Variants in OXCT1 observed in about 807,000 individuals in gnomAD.
OXCT1 encodes the protein 3-oxoacid CoA-transferase 1, also known as succinyl-CoA:3-ketoacid coenzyme A transferase 1, mitochondrial.
In OXCT1, 27 loss-of-function variants were observed where a neutral mutation model predicts 69.6. The observed-to-expected ratio is 0.39, with a 90% CI of 0.29 to 0.54. OXCT1 has a LOEUF of 0.54. Ranked by LOEUF, OXCT1 falls within the 20% of genes least tolerant of loss-of-function variation. The pLI is 0.72. For synonymous variants in OXCT1, 202 were observed against 217.8 expected (o/e 0.93, Z 0.64); for missense variants, 437 against 650.2 (o/e 0.67, Z 3.57).
chr5:41,841,468 A>G (rs1748623907), intron 6 of OXCT1, among the ~76,000 whole-genome samples: 1 of 152,128 alleles, frequency 6.6e-6, no homozygotes, highest in South Asian at 2.1e-4. Flanking sequence ...ACCTAGACAG[A>G]CTTCTGTTCC....
intron 7 of OXCT1, among the ~76,000 whole-genome samples, chr5:41,818,887 T>A (rs1747385017): frequency 6.6e-6 from 1 of 151,520 alleles, no homozygotes; most frequent in African/African-American, 2.4e-5. Context: ...TTTAGCTTTG[T>A]CCTTGAACCA....
At chr5:41,787,634 CAAA>C (rs765691863) in intron 13 of OXCT1, among the ~76,000 whole-genome samples, 357 of 34,710 alleles carry the variant, frequency 0.01, no homozygotes, top group African/African-American at 0.044. Flanking sequence ...AAGCATTAGG[CAAA>C]AAAAAAAAAA....
intron 13 of OXCT1, among the ~76,000 whole-genome samples, chr5:41,785,182 T>C (rs1340029950): frequency 6.6e-6 from 1 of 152,214 alleles, no homozygotes; most frequent in Non-Finnish European, 1.5e-5. Flanking sequence ...ATTTTGCTCC[T>C]GGAAATTCTG....
chr5:41,869,303 G>C (rs539598747), intron 1 of OXCT1, among the ~76,000 whole-genome samples: 4 of 152,308 alleles, frequency 2.6e-5, no homozygotes, highest in Admixed American at 6.5e-5. Context: ...TGCATGGCAC[G>C]CTGTCAAGCT....
chr5:41,779,649 C>T (rs546800387), intron 13 of OXCT1, among the ~76,000 whole-genome samples: 1 of 151,826 alleles, frequency 6.6e-6, no homozygotes, highest in Admixed American at 6.6e-5. Context: ...AGTAAAAGAT[C>T]CGAATACAAT....
At chr5:41,781,089 G>C (rs953914465) in intron 13 of OXCT1, among the ~76,000 whole-genome samples, 8 of 151,994 alleles carry the variant, frequency 5.3e-5, no homozygotes, top group African/African-American at 1.9e-4. Flanking sequence ...TTTTTTAGTA[G>C]AGACGGGGTT....
At chr5:41,747,115 C>T (rs1311930600) in intron 15 of OXCT1, among the ~76,000 whole-genome samples, 1 of 152,114 alleles carries the variant, frequency 6.6e-6, no homozygotes, top group African/African-American at 2.4e-5. Flanking sequence ...AACAAAATCA[C>T]TGAAGGGTTC....
At chr5:41,774,455 A>G (rs912247212) in intron 13 of OXCT1, among the ~76,000 whole-genome samples, 19 of 152,336 alleles carry the variant, frequency 1.2e-4, no homozygotes, top group African/African-American at 4.6e-4. Flanking sequence ...CTCTAGGGGC[A>G]CAAGAAATAT....
Position 41,781,155 on chromosome 5 carries a change from G to A in OXCT1, c.1248+12848C>T, listed in dbSNP as rs559256768. Among the ~76,000 whole-genome samples, 14 of 151,914 alleles carry A rather than the reference G, an allele frequency of 9.2e-5. No homozygotes were observed. The East Asian group carries it at 1.6e-3, about 17-fold the overall frequency. On this transcript the variant is annotated intron_variant, in intron 13 of 16. Transcript: ENST00000196371. The stretch of plus-strand genomic sequence containing the variant: ...CCTGACCTCGTGATCTGCCCATCTC[G>A]GCCTCCCAAAGTGCTGGGATTACAG...
In OXCT1 at chr5:41,762,910, G is replaced by A. The variant is rs974848939; in HGVS notation, c.1249-710C>T. 3.4e-4 allele frequency among the ~76,000 whole-genome samples: 51 copies of A among 152,040 alleles called. 1 individual carries two copies. Among genetic ancestry groups the A allele is most frequent in the African/African-American group, 1.1e-3 (45 of 41,492 alleles). ...CCACATGCTCTGAAAAAGTCCATCC[G>A]TCTATTCTGTCTCCTGCTTACAGAG... On this transcript the variant is annotated intron_variant, in intron 13 of 16. Coordinates refer to ENST00000196371, the MANE Select transcript of OXCT1 (RefSeq NM_000436.4). This position sits in a 1 kb window ranked among gnomAD's most constrained non-coding sequence, Gnocchi z 4.0.
chr5:41,739,115 T>C (rs963214416), intron 16 of OXCT1, among the ~76,000 whole-genome samples: 1 of 152,200 alleles, frequency 6.6e-6, no homozygotes, highest in African/African-American at 2.4e-5. Flanking sequence ...AAACATAAAG[T>C]AGCTTAGAGC....
chr5:41,789,462 C>T (rs1745809292), intron 13 of OXCT1, among the ~76,000 whole-genome samples: 1 of 152,060 alleles, frequency 6.6e-6, no homozygotes, highest in South Asian at 2.1e-4. Flanking sequence ...CAGATCAATA[C>T]ATGTTGAATG....
chr5:41,785,501 A>G (rs1745599637), intron 13 of OXCT1, among the ~76,000 whole-genome samples: 1 of 152,352 alleles, frequency 6.6e-6, no homozygotes, highest in Admixed American at 6.5e-5. Flanking sequence ...GAGCAAAAAT[A>G]ATAGCAAAGT....
At chr5:41,828,620 A>G (rs1291974782) in intron 7 of OXCT1, among the ~76,000 whole-genome samples, 1 of 152,174 alleles carries the variant, frequency 6.6e-6, no homozygotes, top group Non-Finnish European at 1.5e-5. Context: ...TTTGCACAAG[A>G]TCTTCCCTTC....
chr5:41,846,996 G>GT (rs1443511183), intron 5 of OXCT1, among the ~76,000 whole-genome samples: 20 of 151,708 alleles, frequency 1.3e-4, no homozygotes, highest in Admixed American at 5.9e-4. Context: ...TTGTAAATTT[G>GT]TTTTTGAAAG....
chr5:41,862,028 T>C (rs1455898536), intron 2 of OXCT1, among the ~76,000 whole-genome samples: 4 of 152,128 alleles, frequency 2.6e-5, no homozygotes, highest in African/African-American at 9.7e-5. Context: ...CTGGCCAACA[T>C]GGTGAAACCC....
chr5:41,863,868 G>A (rs983415327), intron 1 of OXCT1, among the ~76,000 whole-genome samples: 1 of 152,132 alleles, frequency 6.6e-6, no homozygotes, highest in African/African-American at 2.4e-5. Context: ...AAGCCAATAT[G>A]AACAAAACAC....
intron 5 of OXCT1, chr5:41,843,788 T>G (rs1389757084): frequency 7.1e-6 from 2 of 281,570 alleles, no homozygotes. Context: ...AACTATGGTT[T>G]GAAACAAAAC....
intron 16 of OXCT1, among the ~76,000 whole-genome samples, chr5:41,738,488 C>T (rs1274802519): frequency 2.0e-5 from 3 of 152,184 alleles, no homozygotes; most frequent in African/African-American, 7.2e-5. Flanking sequence ...CCACATAAGA[C>T]GTGCCTTTGC....
Sources: gnomAD v4.1 joint callset for allele counts (sites outside exome capture counted in the v4.1 genomes callset) on GRCh38, gnomAD v4.1.1 for gene constraint, Gnocchi (gnomAD v3.1) non-coding constraint, MANE v1.5 for transcripts, NCBI Gene and HGNC (gene_info 2026-07-23, HGNC 2026-07-21) for gene names.